Variants in QNG1 observed in about 807,000 individuals in gnomAD.
QNG1 encodes the protein queuosine 5'-phosphate N-glycosylase/hydrolase.
At chr9:83,940,225 CA>C in the QNG1 span, among the ~76,000 whole-genome samples, 1 of 152,016 alleles carries the variant, frequency 6.6e-6, no homozygotes, top group African/African-American at 2.4e-5. Context: ...GGCAACATGA[CA>C]AAACCCTGTC....
the QNG1 span, among the ~76,000 whole-genome samples, chr9:83,952,533 C>T: frequency 6.6e-6 from 1 of 152,040 alleles, no homozygotes; most frequent in Admixed American, 6.6e-5. Flanking sequence ...CGGTGGCTCA[C>T]GCCTGTAATC....
At chr9:83,953,349 T>C in the QNG1 span, among the ~76,000 whole-genome samples, 2 of 151,694 alleles carry the variant, frequency 1.3e-5, no homozygotes, top group African/African-American at 4.8e-5. Flanking sequence ...TTGAATTCTT[T>C]TTTTTTTTTT....
the QNG1 span, chr9:83,939,623 T>A: frequency 2.1e-5 from 34 of 1,613,990 alleles, no homozygotes; most frequent in Non-Finnish European, 2.9e-5. Context: ...GATCTCTCCA[T>A]TAGGTTTTTC....
chr9:83,955,468 G>C, the QNG1 span: 1 of 1,614,112 alleles, frequency 6.2e-7, no homozygotes, highest in Non-Finnish European at 8.5e-7. Context: ...TTTCTCGGAC[G>C]CAGTTGAGAA....
the QNG1 span, chr9:83,953,848 G>A: frequency 6.5e-7 from 1 of 1,526,920 alleles, no homozygotes; most frequent in Non-Finnish European, 8.9e-7. Flanking sequence ...AGTACACTGT[G>A]TATGAAAAAG....
At chr9:83,948,014 GTCTGGGAA>G in the QNG1 span, among the ~76,000 whole-genome samples, 4 of 139,872 alleles carry the variant, frequency 2.9e-5, no homozygotes, top group South Asian at 4.6e-4. Flanking sequence ...CGGCCGCCCA[GTCTGGGAA>G]GTGAGGAGCG....
At chr9:83,949,545 C>A in the QNG1 span, among the ~76,000 whole-genome samples, 1 of 152,160 alleles carries the variant, frequency 6.6e-6, no homozygotes, top group African/African-American at 2.4e-5. Flanking sequence ...ACTCGGGAGG[C>A]TGAGGCAGGA....
At chr9:83,956,338 G>A in the QNG1 span, 153 of 1,613,010 alleles carry the variant, frequency 9.5e-5, 1 homozygote, top group Admixed American at 2.3e-3. Context: ...CTGGGGTTCA[G>A]CTCATGAAGG....
At chr9:83,948,499 C>T in the QNG1 span, among the ~76,000 whole-genome samples, 1 of 148,850 alleles carries the variant, frequency 6.7e-6, no homozygotes, top group East Asian at 2.0e-4. Flanking sequence ...GCCCGGCCAC[C>T]GCCCTGTCCG....
chr9:83,939,095 CA>C, the QNG1 span: 1 of 175,108 alleles, frequency 5.7e-6, no homozygotes, highest in African/African-American at 2.4e-5. Context: ...TTTTTTGAGA[CA>C]AAGTTTCACT....
chr9:83,948,355 G>A, the QNG1 span, among the ~76,000 whole-genome samples: 12 of 130,640 alleles, frequency 9.2e-5, no homozygotes, highest in African/African-American at 2.5e-4. Context: ...GTCTCCGCCC[G>A]GCAGCCGCCC....
the QNG1 span, chr9:83,944,849 A>C: frequency 4.7e-5 from 76 of 1,613,902 alleles, no homozygotes; most frequent in Non-Finnish European, 6.2e-5. Flanking sequence ...CAAGATGAGC[A>C]AGAACCTGAG....
chr9:83,950,111 G>A, the QNG1 span, among the ~76,000 whole-genome samples: 1 of 149,362 alleles, frequency 6.7e-6, no homozygotes, highest in Non-Finnish European at 1.5e-5. Flanking sequence ...GTGCAATGGT[G>A]CAATCTCGGC....
the QNG1 span, chr9:83,956,129 A>C: frequency 1.3e-6 from 2 of 1,599,172 alleles, no homozygotes; most frequent in Non-Finnish European, 1.7e-6. Flanking sequence ...GAAACCTCAA[A>C]GGCCGTTAGG....
the QNG1 span, chr9:83,944,850 A>G: frequency 1.9e-6 from 3 of 1,614,036 alleles, no homozygotes; most frequent in Non-Finnish European, 2.5e-6. Context: ...AAGATGAGCA[A>G]GAACCTGAGG....
chr9:83,953,576 G>A, the QNG1 span: 2 of 446,566 alleles, frequency 4.5e-6, no homozygotes, highest in South Asian at 4.9e-5. Context: ...TTGAACTCCT[G>A]ACCTTGTGAT....
At chr9:83,944,889 C>A in the QNG1 span, 2 of 1,613,636 alleles carry the variant, frequency 1.2e-6, no homozygotes, top group South Asian at 2.2e-5. Context: ...CATGGTGATA[C>A]TGGAGATGTC....
At chr9:83,950,336 C>T in the QNG1 span, among the ~76,000 whole-genome samples, 1 of 151,972 alleles carries the variant, frequency 6.6e-6, no homozygotes, top group Non-Finnish European at 1.5e-5. Context: ...GTATGAGCCA[C>T]CACGCCTGGC....
chr9:83,953,532 G>T, the QNG1 span: 1 of 301,840 alleles, frequency 3.3e-6, no homozygotes, highest in South Asian at 3.7e-5. Context: ...ATTTTTAGTA[G>T]AGACGGGGTT....
Sources: allele counts gnomAD v4.1 joint callset (sites outside exome capture counted in the v4.1 genomes callset), GRCh38; gene constraint gnomAD v4.1.1; transcripts MANE v1.5; gene names NCBI Gene and HGNC (gene_info 2026-07-23, HGNC 2026-07-21).